AUTS2: variants seen among roughly 807,000 people sequenced by gnomAD.
AUTS2 encodes the protein activator of transcription and developmental regulator AUTS2, also known as autism susceptibility gene 2 protein.
Under a neutral mutation model 112.4 loss-of-function variants are expected in AUTS2, and 17 were observed. The ratio of observed to expected loss-of-function variants is 0.15; its 90% CI spans 0.10 to 0.23. The LOEUF (loss-of-function observed/expected upper bound fraction) is 0.23. Among genes scored for constraint, AUTS2 ranks in the 10% least tolerant of loss-of-function variants. The pLI is 1.00. For synonymous variants in AUTS2, 751 were observed against 702.7 expected, an observed-to-expected ratio of 1.07 and a Z score of -1.09; for missense variants, 1,510 against 1,701.6, an observed-to-expected ratio of 0.89 and a Z score of 1.98.
At chr7:70,331,580 T>C (rs1172424613) in intron 4 of AUTS2, among the ~76,000 whole-genome samples, 1 of 151,862 alleles carries the variant, frequency 6.6e-6, no homozygotes, top group African/African-American at 2.4e-5. Flanking sequence ...TGATCTATAC[T>C]GGCAAACCAA....
intron 2 of AUTS2, among the ~76,000 whole-genome samples, chr7:70,114,796 C>A (rs561042268): frequency 1.3e-5 from 2 of 151,024 alleles, no homozygotes; most frequent in African/African-American, 4.9e-5. Context: ...AGCAAAACTC[C>A]GTCTCAGAAA....
At chr7:70,476,871 T>C (rs910862700) in intron 5 of AUTS2, among the ~76,000 whole-genome samples, 1 of 152,230 alleles carries the variant, frequency 6.6e-6, no homozygotes, top group Non-Finnish European at 1.5e-5. Context: ...CATACTGTTA[T>C]ATCCCTTCCT....
chr7:70,271,462 G>A (rs564144002), intron 4 of AUTS2, among the ~76,000 whole-genome samples: 4 of 151,634 alleles, frequency 2.6e-5, no homozygotes, highest in Non-Finnish European at 5.9e-5. Context: ...GTTGTTTCTG[G>A]GGGTATTATT....
chr7:69,644,017 GC>G (rs1794912956), intron 1 of AUTS2, among the ~76,000 whole-genome samples: 1 of 152,158 alleles, frequency 6.6e-6, no homozygotes, highest in Non-Finnish European at 1.5e-5. Flanking sequence ...CCATCTACAA[GC>G]CAGGAAGAGA....
At chr7:69,849,538 G>T (rs1188168941) in intron 1 of AUTS2, among the ~76,000 whole-genome samples, 4 of 151,736 alleles carry the variant, frequency 2.6e-5, no homozygotes, top group South Asian at 2.1e-4. Flanking sequence ...CCCCTCCACT[G>T]TCTTACCTCC....
intron 1 of AUTS2, among the ~76,000 whole-genome samples, chr7:69,892,038 G>C (rs970907959): frequency 6.6e-6 from 1 of 151,662 alleles, no homozygotes; most frequent in Non-Finnish European, 1.5e-5. Context: ...TGATCCATCT[G>C]CCCTGGCCTC....
chr7:69,690,909 T>G (rs1797314472), intron 1 of AUTS2, among the ~76,000 whole-genome samples: 1 of 152,206 alleles, frequency 6.6e-6, no homozygotes, highest in South Asian at 2.1e-4. Flanking sequence ...TTCATTTAAG[T>G]GACAGAAGAG....
chr7:69,712,610 T>A (rs972561237), intron 1 of AUTS2, among the ~76,000 whole-genome samples: 14 of 152,188 alleles, frequency 9.2e-5, no homozygotes, highest in Non-Finnish European at 1.8e-4. Flanking sequence ...AAAGTTTGTT[T>A]ATCTATTTTT....
chr7:70,105,854 T>C (rs936868044), intron 2 of AUTS2, among the ~76,000 whole-genome samples: 1 of 152,124 alleles, frequency 6.6e-6, no homozygotes, highest in Non-Finnish European at 1.5e-5. Context: ...CCAATTTATG[T>C]CTCTGGGGGC....
intron 5 of AUTS2, among the ~76,000 whole-genome samples, chr7:70,687,023 T>A (rs536484077): frequency 1.3e-5 from 2 of 152,304 alleles, no homozygotes; most frequent in Non-Finnish European, 2.9e-5. Context: ...ACATTTTGTA[T>A]ACATTTTCAT....
At chr7:70,446,777 G>A (rs1293695573) in intron 5 of AUTS2, among the ~76,000 whole-genome samples, 1 of 152,146 alleles carries the variant, frequency 6.6e-6, no homozygotes, top group Non-Finnish European at 1.5e-5. Context: ...GGAGTCCAAG[G>A]GCCCTGACTT....
intron 8 of AUTS2, among the ~76,000 whole-genome samples, chr7:70,765,325 C>T (rs1448272562): frequency 6.6e-6 from 1 of 152,156 alleles, no homozygotes; most frequent in African/African-American, 2.4e-5. Flanking sequence ...CTGGGCTCCC[C>T]TGAGGGCGAT....
intron 1 of AUTS2, among the ~76,000 whole-genome samples, chr7:69,732,393 G>A (rs867419492): frequency 1.3e-5 from 2 of 152,008 alleles, no homozygotes; most frequent in Non-Finnish European, 2.9e-5. Context: ...TGGATTTGGG[G>A]GTGTGTGATC....
intron 1 of AUTS2, among the ~76,000 whole-genome samples, chr7:69,859,706 A>G (rs1422046347): frequency 6.6e-6 from 1 of 152,194 alleles, no homozygotes; most frequent in East Asian, 1.9e-4. Context: ...GTTGTGCAGG[A>G]TACTTGTTAC....
At chr7:70,025,618 A>G (rs1442941719) in intron 2 of AUTS2, among the ~76,000 whole-genome samples, 3 of 150,936 alleles carry the variant, frequency 2.0e-5, no homozygotes, top group Admixed American at 1.3e-4. Flanking sequence ...TGCCTGGCTA[A>G]GTTTGTTTTG....
chr7:69,682,608 T>TA (rs1455224340), intron 1 of AUTS2, among the ~76,000 whole-genome samples: 1 of 152,234 alleles, frequency 6.6e-6, no homozygotes, highest in Non-Finnish European at 1.5e-5. Context: ...TTGATTTACA[T>TA]ATTTGAAACC....
chr7:69,825,643 C>T lies in AUTS2; in HGVS notation c.310-73643C>T, dbSNP rs142895380. On this transcript the variant is annotated intron_variant, in intron 1 of 18. Coordinates refer to ENST00000342771, the MANE Select transcript of AUTS2 (RefSeq NM_015570.4). ...GCATATACTAGATGCTCACTATCCT[C>T]CACTTCACTTCTTTTGGATGACTAA... 8.5e-5 allele frequency: 13 copies of T among 152,194 alleles called. No homozygotes were observed. The East Asian group carries it at 2.1e-3, about 25-fold the overall frequency. 9.4% of individuals were successfully genotyped at this position (152,194 alleles called of 1,614,324 possible). A position where few individuals can be genotyped will look rare whatever the true frequency, so the allele number is the denominator to read the frequency against.
chr7:70,008,702 G>A (rs1799656404), intron 2 of AUTS2, among the ~76,000 whole-genome samples: 1 of 152,276 alleles, frequency 6.6e-6, no homozygotes, highest in South Asian at 2.1e-4. Flanking sequence ...GAAGTAAAAC[G>A]TGAATTGAGA....
At chr7:70,288,763 A>G (rs1371008319) in intron 4 of AUTS2, among the ~76,000 whole-genome samples, 1 of 152,222 alleles carries the variant, frequency 6.6e-6, no homozygotes, top group Non-Finnish European at 1.5e-5. Flanking sequence ...TGAATGGTAG[A>G]AAAATTCTAA....
Sources: gnomAD v4.1 joint callset for allele counts (sites outside exome capture counted in the v4.1 genomes callset) on GRCh38, gnomAD v4.1.1 for gene constraint, MANE v1.5 for transcripts, NCBI Gene and HGNC (gene_info 2026-07-23, HGNC 2026-07-21) for gene names.